Variants in DRP2 observed in about 807,000 individuals in gnomAD.
DRP2 encodes dystrophin related protein 2.
In DRP2, 29 loss-of-function variants were observed where a neutral mutation model predicts 78.2. That is an observed-to-expected ratio of 0.37 (90% confidence interval 0.28 to 0.51). DRP2 has a LOEUF of 0.51. DRP2 is among the 20% of genes least tolerant of loss of function. The probability of loss-of-function intolerance (pLI) is 0.94; values close to 1 mark genes in which losing one functional copy is unlikely to be tolerated. For synonymous variants in DRP2, 290 were observed against 281.9 expected (o/e 1.03, Z -0.29); for missense variants, 686 against 770.6 (o/e 0.89, Z 1.30).
In DRP2 at chrX:101,252,507, C is replaced by T; in HGVS notation, c.1866-98C>T. 4.5e-6 allele frequency: 3 copies of T among 673,487 alleles called. No homozygotes were observed. In the Admixed American group the frequency reaches 7.4e-5, roughly 17 times the overall value. The allele number at this position is 673,487 out of a possible 1,213,427, so 55.5% of individuals were successfully genotyped here. ...TATGGCTCCATGCCTCATTCATCCC[C>T]TTCTACTGTGTGTGTATATTTTAAT... On this transcript the variant is annotated intron_variant, in intron 16 of 23. Coordinates refer to ENST00000395209, the MANE Select transcript of DRP2 (RefSeq NM_001939.3).
intron 1 of DRP2, among the ~76,000 whole-genome samples, chrX:101,221,573 T>A (rs998975437): frequency 2.6e-4 from 29 of 112,597 alleles, no homozygotes; most frequent in African/African-American, 7.8e-4. Flanking sequence ...TGGAAAGAAC[T>A]CCTCTTCCTG....
Position 101,252,692 on chromosome X carries a change from C to A in DRP2, c.1953C>A (p.Tyr651Ter). 1 of 1,211,386 alleles carries A rather than the reference C, an allele frequency of 8.3e-7. No individual in the cohort carries two copies. Among genetic ancestry groups the A allele is most frequent in the Non-Finnish European group, 1.1e-6 (1 of 895,066 alleles). Residue 651 changes from tyrosine (Y) to a stop codon, truncating the protein, a stop_gained, in exon 17 of 24, where the codon TAC becomes TAA. Coordinates refer to ENST00000395209, the MANE Select transcript of DRP2 (RefSeq NM_001939.3). LOFTEE classifies it high-confidence loss of function. ...CCAGCAAAGGCAATAAGCTGCACTA[C>A]CCCATCATGGAGTATTACACACCGG... is the stretch of plus-strand genomic sequence containing the variant. ...GRASKGNKLH[Y>*]PIMEYYTPTT...
chrX:101,233,967 C>T, intron 3 of DRP2, among the ~76,000 whole-genome samples: 1 of 112,015 alleles, frequency 8.9e-6, no homozygotes, highest in African/African-American at 3.2e-5. Context: ...CCTCCATTTT[C>T]ACAGTAGACT....
At position 101,248,113 on chromosome X, in the gene DRP2, C is replaced by T. The variant is rs138733969; in HGVS notation, c.1277C>T (p.Ala426Val). 6.6e-6 allele frequency: 8 copies of T among 1,209,214 alleles called. No individual in the cohort carries two copies. In the African/African-American group the frequency reaches 1.4e-4, roughly 21 times the overall value. ...GTGGACCTGGTAACTTTAACCACAGCCCTGGAAATCTTCAATGAGCATGAT... is the reference window on the plus strand; with the variant it reads ...GTGGACCTGGTAACTTTAACCACAGTCCTGGAAATCTTCAATGAGCATGAT... ...LRLDLVTLTT[A>V]LEIFNEHDLQ... The change falls in exon 13 of 24, where the codon GCC (alanine) becomes GTC (valine). Residue 426 changes from alanine to valine, a missense_variant. Ala to Val is a moderately conservative substitution (Grantham distance 64). Around this residue, in one of 2 missense-constraint regions of DRP2, gnomAD observed 423 missense variants for 531.5 expected, o/e 0.80. Coordinates refer to ENST00000395209, the MANE Select transcript of DRP2 (RefSeq NM_001939.3).
chrX:101,230,810 C>T (rs999408553), intron 2 of DRP2, among the ~76,000 whole-genome samples: 1 of 111,607 alleles, frequency 9.0e-6, no homozygotes, highest in African/African-American at 3.3e-5. Context: ...TTTCATGACT[C>T]ACCTCAAGCA....
At position 101,258,361 on chromosome X, in the gene DRP2, G is replaced by A. The variant is rs1923425281; in HGVS notation, c.2443G>A (p.Glu815Lys). 2 of 1,196,030 alleles carry A rather than the reference G, an allele frequency of 1.7e-6. No individual in the cohort carries two copies. Among genetic ancestry groups the A allele is most frequent in the Non-Finnish European group, 2.3e-6 (2 of 888,213 alleles). The stretch of plus-strand genomic sequence containing the variant: ...GAAGTGGCAGCATGAGGAGGCAGCT[G>A]AGGCACCCAGTCTGGCTGACGGCTC... ...RLKWQHEEAAEAPSLADGSTE... is the reference protein window; with the variant it reads ...RLKWQHEEAAKAPSLADGSTE... Residue 815 changes from glutamate (E) to lysine (K), a missense_variant, in exon 22 of 24, where the codon GAG (glutamate) becomes AAG (lysine). By Grantham distance (56) the Glu-to-Lys change is moderately conservative (BLOSUM62 1). Coordinates refer to ENST00000395209, the MANE Select transcript of DRP2 (RefSeq NM_001939.3).
chrX:101,253,544 T>TCC (rs1923218388), intron 17 of DRP2, among the ~76,000 whole-genome samples: 1 of 36,030 alleles, frequency 2.8e-5, no homozygotes, highest in African/African-American at 1.7e-4. Flanking sequence ...TTTCACCTTT[T>TCC]TTTTTTTTTT....
chrX:101,243,090 C>A, intron 9 of DRP2, 108 bp downstream of exon 9: 1 of 694,326 alleles, frequency 1.4e-6, no homozygotes, highest in Non-Finnish European at 2.2e-6. Flanking sequence ...CCTTGACATC[C>A]GAGAAGCAGT....
Position 101,261,760 on chromosome X carries a change from A to G in DRP2, c.*1139A>G, listed in dbSNP as rs1225500259. On this transcript the variant is annotated 3_prime_UTR_variant, in exon 24 of 24. Coordinates refer to ENST00000395209, the MANE Select transcript of DRP2 (RefSeq NM_001939.3). Reference sequence around the variant, plus strand: ...CAACAGCAAGGCCTTCCTGTGCCTAAAATTGTTATTTCTAACTCTGGAAGG... The same window carrying G: ...CAACAGCAAGGCCTTCCTGTGCCTAGAATTGTTATTTCTAACTCTGGAAGG... The G allele has an allele frequency of 8.9e-6, 1 of 112,180 alleles. No homozygotes were observed. Among genetic ancestry groups the G allele is most frequent in the Non-Finnish European group, 1.9e-5 (1 of 53,161 alleles). 9.2% of individuals were successfully genotyped at this position (112,180 alleles called of 1,213,427 possible).
At chrX:101,239,135 G>C in intron 6 of DRP2, 34 bp downstream of exon 6, 1 of 1,199,348 alleles carries the variant, frequency 8.3e-7, no homozygotes, top group Non-Finnish European at 1.1e-6. Context: ...ACTTCTTCTT[G>C]AGCCATGTAC....
chrX:101,257,449 A>AAG (rs1175290149), intron 21 of DRP2, among the ~76,000 whole-genome samples: 11 of 108,037 alleles, frequency 1.0e-4, no homozygotes, highest in African/African-American at 3.4e-4. Context: ...AAAAAAAAAA[A>AAG]AGAGAGAGTA....
intron 1 of DRP2, among the ~76,000 whole-genome samples, chrX:101,223,138 C>A: frequency 9.0e-6 from 1 of 110,518 alleles, no homozygotes; most frequent in Non-Finnish European, 1.9e-5. Context: ...AGCCTCACCA[C>A]CCCCCAGGTG....
rs1448580473 is a variant in DRP2, at chrX:101,260,571, C to T, written c.2824C>T (p.Pro942Ser). 2 of 1,209,509 alleles carry T rather than the reference C, an allele frequency of 1.7e-6. No individual in the cohort carries two copies. The highest frequency in any genetic ancestry group is 1.1e-6 in the Non-Finnish European group (1 of 895,111). The change falls in exon 24 of 24, where the codon CCC (proline) becomes TCC (serine). Residue 942 changes from proline (P) to serine (S), a missense_variant. This residue lies in a region of DRP2 where 423 missense variants were observed against 531.5 expected (regional missense o/e 0.80). Transcript: ENST00000395209. The part of the protein sequence containing the change: ...DIMEKLRHAF[P>S]SVRSSDVTAN... ...CATGGAGAAACTCCGTCATGCCTTC[C>T]CCAGTGTGCGAAGTTCTGATGTGAC... is the stretch of plus-strand genomic sequence containing the variant.
intron 3 of DRP2, among the ~76,000 whole-genome samples, chrX:101,233,585 G>T (rs1411445204): frequency 8.9e-6 from 1 of 112,258 alleles, no homozygotes; most frequent in Admixed American, 9.3e-5. Flanking sequence ...TAAAAACGAT[G>T]TGTTTTCCCT....
At position 101,260,703 on chromosome X, in the gene DRP2, C is replaced by A; in HGVS notation, c.*82C>A. 2 of 1,094,273 alleles carry A rather than the reference C, an allele frequency of 1.8e-6. No homozygotes were observed. The highest frequency in any genetic ancestry group is 2.4e-6 in the Non-Finnish European group (2 of 820,184). 90.2% of individuals were successfully genotyped at this position (1,094,273 alleles called of 1,213,427 possible). A position where few individuals can be genotyped will look rare whatever the true frequency, so the allele number is the denominator to read the frequency against. On this transcript the variant is annotated 3_prime_UTR_variant, in exon 24 of 24. Coordinates refer to ENST00000395209, the MANE Select transcript of DRP2 (RefSeq NM_001939.3). ...TTTCCTCAGCCTTCACCCAACCTTT[C>A]CAGTTTCCACTGGCCCCACATTCCT... is the stretch of plus-strand genomic sequence containing the variant.
At position 101,231,740 on chromosome X, in the gene DRP2, C is replaced by T; in HGVS notation, c.93C>T (p.Leu31=). Residue 31 remains leucine (L), a synonymous_variant, in exon 3 of 24, where the codon CTC becomes CTT. Transcript: ENST00000395209. ...ACCAGTTCCATCATAGCAGCAGCCT[C>T]CGAAGCACCTGCCCCCACCCTCAGG... ...AADQFHHSSS[L]RSTCPHPQVR... 2 of 1,210,224 alleles carry T rather than the reference C, an allele frequency of 1.7e-6. No homozygotes were observed. The highest frequency in any genetic ancestry group is 2.2e-6 in the Non-Finnish European group (2 of 894,580).
chrX:101,229,883 G>A (rs1452008721), intron 2 of DRP2, among the ~76,000 whole-genome samples: 1 of 111,747 alleles, frequency 8.9e-6, no homozygotes, highest in African/African-American at 3.3e-5. Flanking sequence ...CCTTTACTAA[G>A]CTTAGCTCTT....
intron 8 of DRP2, 135 bp downstream of exon 8, chrX:101,242,606 C>T: frequency 3.6e-6 from 3 of 832,062 alleles, no homozygotes; most frequent in East Asian, 6.5e-5. Context: ...AGGGAATGGG[C>T]TTTTCAACCT....
Position 101,241,826 on chromosome X carries a change from A to G in DRP2, c.718A>G (p.Met240Val), listed in dbSNP as rs1922740967. Residue 240 changes from methionine to valine, a missense_variant, in exon 7 of 24, where the codon ATG becomes GTG. By Grantham distance (21) the Met-to-Val change is conservative (BLOSUM62 1). Around this residue, in one of 2 missense-constraint regions of DRP2, gnomAD observed 263 missense variants for 239.1 expected, o/e 1.10. Coordinates refer to ENST00000395209, the MANE Select transcript of DRP2 (RefSeq NM_001939.3). ...LEQLLEIQGA[M>V]EELSTTLSQA... The stretch of plus-strand genomic sequence containing the variant: ...GCAGCTCTTGGAGATTCAAGGGGCA[A>G]TGGAGGAACTAAGCACTACTCTGAG... 5.0e-6 allele frequency: 6 copies of G among 1,207,885 alleles called. No individual in the cohort carries two copies. In the East Asian group the frequency reaches 8.9e-5, roughly 18 times the overall value.
Sources: allele counts gnomAD v4.1 joint callset (sites outside exome capture counted in the v4.1 genomes callset), GRCh38; gene constraint gnomAD v4.1.1; regional missense constraint gnomAD v4.1.1; transcripts MANE v1.5; gene names NCBI Gene and HGNC (gene_info 2026-07-23, HGNC 2026-07-21).